PTPRD: variants seen among roughly 807,000 people sequenced by gnomAD.
PTPRD encodes the protein protein tyrosine phosphatase receptor type D.
A neutral mutation model predicts 214.5 loss-of-function variants in PTPRD; 34 were observed. The ratio of observed to expected loss-of-function variants is 0.16; its 90% CI spans 0.12 to 0.21. The LOEUF is 0.21. Among genes scored for constraint, PTPRD ranks in the 10% least tolerant of loss-of-function variants. The pLI is 1.00. For synonymous variants in PTPRD, 1,128 were observed against 845.7 expected (o/e 1.33, Z -5.79); for missense variants, 2,545 against 2,398.7 (o/e 1.06, Z -1.27).
intron 11 of PTPRD, among the ~76,000 whole-genome samples, chr9:8,969,151 G>T (rs1253227116): frequency 6.6e-6 from 1 of 151,906 alleles, no homozygotes; most frequent in African/African-American, 2.4e-5. Flanking sequence ...AATTCATATC[G>T]TTAGAGAAAC....
intron 21 of PTPRD, among the ~76,000 whole-genome samples, chr9:8,509,250 T>G (rs2137670321): frequency 6.6e-6 from 1 of 152,262 alleles, no homozygotes; most frequent in East Asian, 1.9e-4. Context: ...GAAAATGCAT[T>G]ATTTCTAAAA....
chr9:8,858,612 A>G (rs2098010902), intron 11 of PTPRD, among the ~76,000 whole-genome samples: 1 of 152,128 alleles, frequency 6.6e-6, no homozygotes, highest in Non-Finnish European at 1.5e-5. Flanking sequence ...GCTGTGCTCC[A>G]GCGCTGGGGG....
chr9:9,320,722 G>T (rs1024757512), intron 9 of PTPRD, among the ~76,000 whole-genome samples: 2 of 152,144 alleles, frequency 1.3e-5, no homozygotes, highest in Non-Finnish European at 2.9e-5. Flanking sequence ...CATCCTTGTA[G>T]TTCAATCCAG....
chr9:8,637,792 G>T (rs909080774), intron 12 of PTPRD, among the ~76,000 whole-genome samples: 11 of 152,110 alleles, frequency 7.2e-5, no homozygotes, highest in Non-Finnish European at 1.2e-4. Context: ...ATAAAATATG[G>T]CATGAAGATG....
chr9:8,819,865 A>T (rs2097012354), intron 11 of PTPRD, among the ~76,000 whole-genome samples: 1 of 152,156 alleles, frequency 6.6e-6, no homozygotes, highest in African/African-American at 2.4e-5. Flanking sequence ...CTGAAAGATC[A>T]CACTGGGGCT....
At chr9:8,449,863 G>C (rs2095867271) in intron 33 of PTPRD, 26 bp from the exon 34 acceptor site, 7 of 1,603,852 alleles carry the variant, frequency 4.4e-6, no homozygotes, top group Non-Finnish European at 6.0e-6. Flanking sequence ...AGAAATTTAA[G>C]AAGAAAAGAA....
chr9:9,435,670 T>C (rs1039646638), intron 8 of PTPRD, among the ~76,000 whole-genome samples: 1 of 152,140 alleles, frequency 6.6e-6, no homozygotes, highest in Non-Finnish European at 1.5e-5. Context: ...TATATCATAT[T>C]TATCTATGAA....
At chr9:10,146,907 T>C (rs946511755) in intron 3 of PTPRD, among the ~76,000 whole-genome samples, 6 of 152,122 alleles carry the variant, frequency 3.9e-5, no homozygotes, top group African/African-American at 1.2e-4. Context: ...GGAAGCTCAA[T>C]AGGGACATGA....
intron 4 of PTPRD, among the ~76,000 whole-genome samples, chr9:9,968,950 C>T (rs940025149): frequency 2.6e-5 from 4 of 152,092 alleles, no homozygotes; most frequent in African/African-American, 9.7e-5. Flanking sequence ...AAGGCCCCCA[C>T]GATAAGCTGG....
At chr9:9,850,947 A>G (rs910842134) in intron 5 of PTPRD, among the ~76,000 whole-genome samples, 2 of 152,306 alleles carry the variant, frequency 1.3e-5, no homozygotes, top group East Asian at 3.9e-4. Context: ...GAAAATGTTA[A>G]ACAAAGCTAC....
chr9:8,510,452 G>A (rs933714969), intron 21 of PTPRD, among the ~76,000 whole-genome samples: 2 of 152,248 alleles, frequency 1.3e-5, no homozygotes, highest in Non-Finnish European at 2.9e-5. Context: ...GCCATGCTCA[G>A]TGACAGCAGG....
rs185237929 is a variant in PTPRD at position 9,271,832 on chromosome 9, T to C, written c.-202-88469A>G. ...TTACTTCTTCTATTATATTCAAAGGTATAAGAAGTTCAAAATTCCAAAAAT... is the reference window on the plus strand; with the variant it reads ...TTACTTCTTCTATTATATTCAAAGGCATAAGAAGTTCAAAATTCCAAAAAT... On this transcript the variant is annotated intron_variant, in intron 9 of 45. Transcript: ENST00000381196. 5.3e-5 allele frequency among the ~76,000 whole-genome samples: 8 copies of C among 151,482 alleles called. No homozygotes were observed. The East Asian group carries it at 1.2e-3, about 22-fold the overall frequency.
intron 7 of PTPRD, among the ~76,000 whole-genome samples, chr9:9,708,886 A>T (rs1260909558): frequency 6.6e-6 from 1 of 152,064 alleles, no homozygotes; most frequent in Non-Finnish European, 1.5e-5. Flanking sequence ...TTAAAATTAT[A>T]ATTCTGCAAA....
At chr9:8,499,224 G>T (rs1474032304) in intron 25 of PTPRD, among the ~76,000 whole-genome samples, 2 of 152,140 alleles carry the variant, frequency 1.3e-5, no homozygotes, top group Non-Finnish European at 2.9e-5. Context: ...CTATTCTTCA[G>T]TGGAAGAAGA....
chr9:10,340,269 C>T (rs1022834500), intron 3 of PTPRD, among the ~76,000 whole-genome samples: 12 of 151,900 alleles, frequency 7.9e-5, no homozygotes, highest in African/African-American at 1.9e-4. Context: ...GTTCTCATAG[C>T]GACCAGTTTT....
At chr9:9,157,863 C>T (rs368492398) in intron 10 of PTPRD, among the ~76,000 whole-genome samples, 2 of 152,162 alleles carry the variant, frequency 1.3e-5, no homozygotes, top group East Asian at 1.9e-4. Context: ...CTTCCTGATG[C>T]TCTCCCTTGC....
intron 11 of PTPRD, among the ~76,000 whole-genome samples, chr9:9,009,500 T>C (rs1467381633): frequency 1.3e-5 from 2 of 152,172 alleles, no homozygotes; most frequent in East Asian, 1.9e-4. Context: ...CCATAGGGGT[T>C]TTCAGCAGTT....
chr9:10,097,948 A>T (rs998281258), intron 3 of PTPRD, among the ~76,000 whole-genome samples: 1 of 151,790 alleles, frequency 6.6e-6, no homozygotes, highest in Non-Finnish European at 1.5e-5. Context: ...TTCCTCAGGG[A>T]TCTAGAACTT....
chr9:9,999,908 C>T (rs192977611), intron 4 of PTPRD, among the ~76,000 whole-genome samples: 2 of 152,080 alleles, frequency 1.3e-5, no homozygotes, highest in Admixed American at 1.3e-4. Flanking sequence ...AAATTCTTGT[C>T]CTAAAAGGAA....
Sources: gnomAD v4.1 joint callset for allele counts (sites outside exome capture counted in the v4.1 genomes callset) on GRCh38, gnomAD v4.1.1 for gene constraint, MANE v1.5 for transcripts, NCBI Gene and HGNC (gene_info 2026-07-23, HGNC 2026-07-21) for gene names.